SLC25A21: variants seen among roughly 807,000 people sequenced by gnomAD.
SLC25A21 encodes solute carrier family 25 member 21, also known as mitochondrial 2-oxodicarboxylate carrier.
In SLC25A21, 47 loss-of-function variants were observed where a neutral mutation model predicts 43.8. The ratio of observed to expected loss-of-function variants is 1.07; its 90% confidence interval spans 0.85 to 1.37. The LOEUF (loss-of-function observed/expected upper bound fraction) is 1.37, where lower values mean the gene tolerates loss of function less well. Ranked by LOEUF, SLC25A21 falls within the 40% of genes most tolerant of loss-of-function variation. The pLI is 0.00. For synonymous variants in SLC25A21, 131 were observed against 121.3 expected (o/e 1.08, Z -0.52); for missense variants, 352 against 350.2 (o/e 1.00, Z -0.04).
At chr14:36,711,193 G>T in intron 7 of SLC25A21, 125 bp downstream of exon 7, 1 of 826,128 alleles carries the variant, frequency 1.2e-6, no homozygotes, top group Non-Finnish European at 1.9e-6. Context: ...CAGATGTAAG[G>T]ATCAAATTAG....
chr14:37,160,712 T>G (rs1963924823), intron 1 of SLC25A21, among the ~76,000 whole-genome samples: 1 of 151,792 alleles, frequency 6.6e-6, no homozygotes, highest in Non-Finnish European at 1.5e-5. Flanking sequence ...GGCAGATCAC[T>G]TGAGGTCAGG....
intron 1 of SLC25A21, among the ~76,000 whole-genome samples, chr14:36,999,672 T>G (rs945278478): frequency 2.0e-5 from 3 of 152,136 alleles, no homozygotes; most frequent in African/African-American, 7.2e-5. Context: ...AACCTAAAAC[T>G]GCTCTTAAAA....
At chr14:36,875,049 T>C (rs1412239912) in intron 1 of SLC25A21, 45 bp from the exon 2 acceptor site, 1 of 1,480,192 alleles carries the variant, frequency 6.8e-7, no homozygotes, top group African/African-American at 1.4e-5. Flanking sequence ...ATGTAAACAC[T>C]GGTTCTTATT....
intron 1 of SLC25A21, among the ~76,000 whole-genome samples, chr14:36,993,802 A>G (rs1960314344): frequency 6.6e-6 from 1 of 152,156 alleles, no homozygotes; most frequent in African/African-American, 2.4e-5. Context: ...AGGGAAAGGA[A>G]CACCTCATCA....
intron 1 of SLC25A21, among the ~76,000 whole-genome samples, chr14:37,091,002 C>T (rs914130222): frequency 2.6e-5 from 4 of 152,122 alleles, no homozygotes; most frequent in African/African-American, 9.7e-5. Flanking sequence ...ATGTGTGTTT[C>T]TGTTTAAAGA....
At chr14:36,893,842 A>T (rs887002084) in intron 1 of SLC25A21, among the ~76,000 whole-genome samples, 1 of 152,088 alleles carries the variant, frequency 6.6e-6, no homozygotes, top group Non-Finnish European at 1.5e-5. Flanking sequence ...CAAAGATCAG[A>T]TGGTTGTAGA....
intron 3 of SLC25A21, among the ~76,000 whole-genome samples, chr14:36,758,865 A>G (rs1427052495): frequency 6.6e-6 from 1 of 152,192 alleles, no homozygotes; most frequent in East Asian, 1.9e-4. Context: ...GTCCAGGAGA[A>G]CAATCAAGTG....
chr14:36,752,718 G>T (rs1397681437), intron 3 of SLC25A21, among the ~76,000 whole-genome samples: 1 of 152,294 alleles, frequency 6.6e-6, no homozygotes, highest in African/African-American at 2.4e-5. Context: ...CACATGTTGT[G>T]GGAGGGGCCT....
intron 1 of SLC25A21, among the ~76,000 whole-genome samples, chr14:37,072,887 T>C (rs183684459): frequency 1.3e-3 from 195 of 152,272 alleles, no homozygotes; most frequent in African/African-American, 4.6e-3. Flanking sequence ...GTAGATAACA[T>C]AGTCACCATC....
At chr14:36,688,567 C>T (rs7148602) in intron 7 of SLC25A21, among the ~76,000 whole-genome samples, 1,989 of 152,300 alleles carry the variant, frequency 0.013, 39 homozygotes, top group African/African-American at 0.042. Flanking sequence ...AGCATCAGGA[C>T]GGCTGCCTGC....
intron 1 of SLC25A21, among the ~76,000 whole-genome samples, chr14:37,161,482 G>T (rs1157803141): frequency 6.6e-6 from 1 of 152,144 alleles, no homozygotes; most frequent in Admixed American, 6.5e-5. Context: ...AATGTCTGTT[G>T]TGGGTTGGTC....
intron 1 of SLC25A21, among the ~76,000 whole-genome samples, chr14:36,878,339 CA>C (rs1196315644): frequency 6.6e-6 from 1 of 152,078 alleles, no homozygotes; most frequent in Non-Finnish European, 1.5e-5. Context: ...TTAGTCAAAA[CA>C]AGTAATTTGT....
rs1253927759 is a variant in SLC25A21 at position 36,848,542 on chromosome 14, G to C, written c.119+26414C>G. On this transcript the variant is annotated intron_variant, in intron 2 of 9. Coordinates refer to ENST00000331299, the MANE Select transcript of SLC25A21 (RefSeq NM_030631.4). ...AACTCTTCGCAGCATTTAGGTTTGT[G>C]GAATGCAATTCCCCAAAATGGAGTT... Among the ~76,000 whole-genome samples, 3 of 152,098 alleles carry C rather than the reference G, an allele frequency of 2.0e-5. No homozygotes were observed. In the East Asian group the frequency reaches 5.8e-4, roughly 29 times the overall value.
chr14:36,913,243 G>A (rs2138614472), intron 1 of SLC25A21, among the ~76,000 whole-genome samples: 1 of 152,208 alleles, frequency 6.6e-6, no homozygotes, highest in East Asian at 1.9e-4. Context: ...TCTACCTGGG[G>A]AGGAAAAAAA....
At chr14:36,838,257 T>A (rs1889275300) in intron 2 of SLC25A21, among the ~76,000 whole-genome samples, 2 of 151,664 alleles carry the variant, frequency 1.3e-5, no homozygotes, top group Admixed American at 1.3e-4. Flanking sequence ...AACAGAGGGG[T>A]CACATGTCTG....
At chr14:36,896,494 A>G (rs1021173294) in intron 1 of SLC25A21, among the ~76,000 whole-genome samples, 1 of 152,174 alleles carries the variant, frequency 6.6e-6, no homozygotes, top group Non-Finnish European at 1.5e-5. Flanking sequence ...CTCTTTATCC[A>G]ATTTGCCAGT....
At chr14:37,057,894 T>C (rs1961865038) in intron 1 of SLC25A21, among the ~76,000 whole-genome samples, 1 of 152,176 alleles carries the variant, frequency 6.6e-6, no homozygotes, top group Admixed American at 6.5e-5. Flanking sequence ...CTGACATGGA[T>C]CACAGAAATG....
intron 1 of SLC25A21, among the ~76,000 whole-genome samples, chr14:36,903,889 G>C (rs1891464428): frequency 6.6e-6 from 1 of 152,150 alleles, no homozygotes; most frequent in Non-Finnish European, 1.5e-5. Flanking sequence ...ATCGAACTAA[G>C]CGCAATCACT....
chr14:37,142,151 C>T (rs1963582286), intron 1 of SLC25A21, among the ~76,000 whole-genome samples: 1 of 152,074 alleles, frequency 6.6e-6, no homozygotes, highest in African/African-American at 2.4e-5. Context: ...TTTTATGTGC[C>T]TCATCTCATT....
Sources: gnomAD v4.1 joint callset for allele counts (sites outside exome capture counted in the v4.1 genomes callset) on GRCh38, gnomAD v4.1.1 for gene constraint, MANE v1.5 for transcripts, NCBI Gene and HGNC (gene_info 2026-07-23, HGNC 2026-07-21) for gene names.